CMTM4: variants seen among roughly 807,000 people sequenced by gnomAD.
The protein encoded by CMTM4 is CKLF-like MARVEL transmembrane domain-containing protein 4.
A neutral mutation model predicts 19.0 loss-of-function variants in CMTM4; 8 were observed. The observed-to-expected ratio is 0.42, with a 90% CI of 0.25 to 0.76. The LOEUF is 0.76. Ranked by LOEUF, CMTM4 falls within the 30% of genes least tolerant of loss-of-function variation. CMTM4 has a pLI of 0.27. For synonymous variants in CMTM4, 106 were observed against 121.1 expected (o/e 0.88, Z 0.82); for missense variants, 228 against 290.2 (o/e 0.79, Z 1.56).
In CMTM4 at chr16:66,620,694, T is replaced by C; in HGVS notation, c.*1364A>G. ...TTACTGCAAAATCTTCCTGCCACAG[T>C]AAGTGCTTTTTGGTGAGGGCTAAAC... On this transcript the variant is annotated 3_prime_UTR_variant, in exon 4 of 4. Coordinates refer to ENST00000394106, the MANE Select transcript of CMTM4 (RefSeq NM_181521.3). 1.0e-6 allele frequency: 1 copy of C among 985,838 alleles called. No individual in the cohort carries two copies. The highest frequency in any genetic ancestry group is 1.2e-6 in the Non-Finnish European group (1 of 829,906). The allele number at this position is 985,838 out of a possible 1,614,324, so 61.1% of individuals were successfully genotyped here. A position where few individuals can be genotyped will look rare whatever the true frequency, so the allele number is the denominator to read the frequency against.
Position 66,649,459 on chromosome 16 carries a change from C to CATCTATCTATCTATCT in CMTM4, c.187-12894_187-12879dup, listed in dbSNP as rs71378403. Among the ~76,000 whole-genome samples the CATCTATCTATCTATCT allele has an allele frequency of 5.1e-3, 764 of 149,496 alleles. 6 individuals are homozygous for CATCTATCTATCTATCT. Among genetic ancestry groups the CATCTATCTATCTATCT allele is most frequent in the African/African-American group, 0.017 (673 of 40,612 alleles). ...TCTTGATTCCTTCTCTCTATCTATC[C>CATCTATCTATCTATCT]ATCTATCTATCTATCTATCTATCTA... On this transcript the variant is annotated intron_variant, in intron 1 of 3. Transcript: ENST00000394106.
At chr16:66,607,027 T>C in the CMTM4 span, among the ~76,000 whole-genome samples, 1 of 152,184 alleles carries the variant, frequency 6.6e-6, no homozygotes, top group Middle Eastern at 3.4e-3. Context: ...ATCTGGGGGG[T>C]CAGCCAGCCC....
chr16:66,598,478 T>C, the CMTM4 span, among the ~76,000 whole-genome samples: 1 of 152,200 alleles, frequency 6.6e-6, no homozygotes, highest in South Asian at 2.1e-4. Flanking sequence ...CCATTGTAAG[T>C]ATATAGTTTG....
At chr16:66,665,262 TAAAAAAAAAAA>T (rs71145929) in intron 1 of CMTM4, among the ~76,000 whole-genome samples, 101 of 59,716 alleles carry the variant, frequency 1.7e-3, no homozygotes, top group African/African-American at 5.3e-3. Context: ...CCCTGTTTCT[TAAAAAAAAAAA>T]AAAAAAAAAA....
the CMTM4 span, among the ~76,000 whole-genome samples, chr16:66,603,716 C>T: frequency 6.6e-6 from 1 of 152,094 alleles, no homozygotes; most frequent in Non-Finnish European, 1.5e-5. Context: ...TAAGCTCTCC[C>T]CCGGCTGCCC....
At chr16:66,609,316 T>C in the CMTM4 span, 4 of 816,910 alleles carry the variant, frequency 4.9e-6, no homozygotes, top group African/African-American at 6.8e-5. This position sits in a 1 kb window ranked among gnomAD's most constrained non-coding sequence, Gnocchi z 4.4. Context: ...GGGGCCAGGA[T>C]GGGATAGGAG....
At chr16:66,600,999 G>T in the CMTM4 span, among the ~76,000 whole-genome samples, 269 of 152,276 alleles carry the variant, frequency 1.8e-3, 1 homozygote, top group Non-Finnish European at 3.2e-3. Context: ...AGGTCCATGG[G>T]AGAGGCAGGG....
intron 1 of CMTM4, among the ~76,000 whole-genome samples, chr16:66,638,852 T>C (rs2016046898): frequency 6.6e-6 from 1 of 150,656 alleles, no homozygotes; most frequent in South Asian, 2.1e-4. Context: ...AGAGTGAGAC[T>C]CCATCTCAAA....
At chr16:66,664,039 C>T (rs1397876081) in intron 1 of CMTM4, among the ~76,000 whole-genome samples, 1 of 151,924 alleles carries the variant, frequency 6.6e-6, no homozygotes, top group Non-Finnish European at 1.5e-5. Context: ...TTGAGACCAG[C>T]CTGGCCAACA....
intron 1 of CMTM4, 36 bp from the exon 2 acceptor site, chr16:66,636,617 T>A (rs761658170): frequency 1.3e-6 from 2 of 1,555,412 alleles, no homozygotes; most frequent in Admixed American, 3.4e-5. Flanking sequence ...TGTACGTATA[T>A]GTTTAGTATA....
chr16:66,633,118 A>AAT (rs1168825024), intron 2 of CMTM4, among the ~76,000 whole-genome samples: 3 of 76,226 alleles, frequency 3.9e-5, no homozygotes, highest in Admixed American at 1.4e-4. Flanking sequence ...TATATATATA[A>AAT]ATATATATAT....
At chr16:66,604,723 C>T in the CMTM4 span, 2 of 1,098,594 alleles carry the variant, frequency 1.8e-6, no homozygotes, top group African/African-American at 3.3e-5. Context: ...TGCCCTCCTT[C>T]CGCACAGCCC....
intron 2 of CMTM4, among the ~76,000 whole-genome samples, chr16:66,626,700 G>T (rs2015746456): frequency 6.6e-6 from 1 of 151,800 alleles, no homozygotes; most frequent in Admixed American, 6.6e-5. Context: ...AATCCAGGAG[G>T]CAGAGGTTGC....
the CMTM4 span, among the ~76,000 whole-genome samples, chr16:66,600,470 A>G: frequency 1.3e-5 from 2 of 152,088 alleles, no homozygotes; most frequent in Admixed American, 1.3e-4. Flanking sequence ...AATAACACCA[A>G]TGGGAACCAG....
intron 1 of CMTM4, among the ~76,000 whole-genome samples, chr16:66,668,823 T>TA (rs148287198): frequency 0.054 from 8,250 of 152,006 alleles, 296 homozygotes; most frequent in Middle Eastern, 0.079. Flanking sequence ...ACAACAGCTT[T>TA]AAAAAAAAGG....
chr16:66,655,020 G>C (rs1357857110), intron 1 of CMTM4, among the ~76,000 whole-genome samples: 1 of 152,042 alleles, frequency 6.6e-6, no homozygotes, highest in Non-Finnish European at 1.5e-5. Context: ...TTTTGAGACA[G>C]AGTCTCACTC....
At chr16:66,685,900 C>G (rs1452106591) in intron 1 of CMTM4, among the ~76,000 whole-genome samples, 1 of 152,178 alleles carries the variant, frequency 6.6e-6, no homozygotes, top group Non-Finnish European at 1.5e-5. Flanking sequence ...CCACCTCGGC[C>G]TCTCAAAGTG....
rs1044430190 is a variant in CMTM4 at position 66,617,444 on chromosome 16, C to T, written c.*4614G>A. 2.0e-6 allele frequency: 3 copies of T among 1,527,746 alleles called. No homozygotes were observed. The highest frequency in any genetic ancestry group is 2.8e-5 in the African/African-American group (2 of 72,290). 94.6% of individuals were successfully genotyped at this position (1,527,746 alleles called of 1,614,324 possible). On this transcript the variant is annotated 3_prime_UTR_variant, in exon 4 of 4. Transcript: ENST00000394106. ...ATTCCAGACAAAAGAAGGGAAAATA[C>T]AATAGGACCCACTCCGCTTCAAGCT...
Position 66,696,671 on chromosome 16 carries a change from C to A in CMTM4, c.-146G>T. 1 of 252,632 alleles carries A rather than the reference C, an allele frequency of 4.0e-6. No homozygotes were observed. The highest frequency in any genetic ancestry group is 6.2e-6 in the Non-Finnish European group (1 of 162,330). 15.6% of individuals were successfully genotyped at this position (252,632 alleles called of 1,614,324 possible). On this transcript the variant is annotated 5_prime_UTR_variant, in exon 1 of 4. Transcript: ENST00000394106. The surrounding 1 kb of genome is among the most constrained non-coding windows in gnomAD (Gnocchi z 4.3). ...CGGCCCGCCCGCCGCCGCCGCCTCTCGCCCGCCGCCCGGCTGCGGCTGCGG... is the reference window on the plus strand; with the variant it reads ...CGGCCCGCCCGCCGCCGCCGCCTCTAGCCCGCCGCCCGGCTGCGGCTGCGG...
Sources: allele counts gnomAD v4.1 joint callset (sites outside exome capture counted in the v4.1 genomes callset), GRCh38; gene constraint gnomAD v4.1.1; non-coding constraint Gnocchi (gnomAD v3.1); transcripts MANE v1.5; gene names NCBI Gene and HGNC (gene_info 2026-07-23, HGNC 2026-07-21).